The following NRXN3 variants were observed in gnomAD, a reference collection of about 807,000 sequenced individuals.
The protein encoded by NRXN3 is neurexin 3, also known as neurexin III.
NRXN3 carries 32 observed loss-of-function variants against 137.6 expected under a neutral mutation model. That is an observed-to-expected ratio of 0.23 (90% CI 0.18 to 0.31). The LOEUF (loss-of-function observed/expected upper bound fraction) is 0.31, where lower values mean the gene tolerates loss of function less well. NRXN3 is among the 10% of genes least tolerant of loss of function. The probability of loss-of-function intolerance (pLI) is 1.00; values close to 1 mark genes in which losing one functional copy is unlikely to be tolerated. For missense variants in NRXN3, 1,574 were observed against 2,062.5 expected (o/e 0.76, Z 4.59); for synonymous variants, 798 against 784.5 (o/e 1.02, Z -0.29).
chr14:78,492,541 G>A (rs2095688339), intron 4 of NRXN3, among the ~76,000 whole-genome samples: 1 of 152,186 alleles, frequency 6.6e-6, no homozygotes, highest in South Asian at 2.1e-4. Context: ...TAGTATAAAT[G>A]TTACCATACC....
chr14:79,797,595 G>A (rs2099164741), intron 19 of NRXN3, among the ~76,000 whole-genome samples: 1 of 152,096 alleles, frequency 6.6e-6, no homozygotes, highest in Non-Finnish European at 1.5e-5. Flanking sequence ...CAATGTCAGT[G>A]GCTTTCAAAG....
chr14:79,111,471 G>T (rs888168997), intron 15 of NRXN3, among the ~76,000 whole-genome samples: 1 of 152,158 alleles, frequency 6.6e-6, no homozygotes, highest in Admixed American at 6.5e-5. Flanking sequence ...GGGCACAGTG[G>T]CTCATGCCTG....
chr14:78,299,750 GCA>G (rs1444328589), intron 4 of NRXN3, among the ~76,000 whole-genome samples: 2 of 152,106 alleles, frequency 1.3e-5, no homozygotes, highest in Non-Finnish European at 2.9e-5. Context: ...TATTCCTTAT[GCA>G]CACACACAGA....
At chr14:78,830,870 GACA>G (rs1386230979) in intron 10 of NRXN3, among the ~76,000 whole-genome samples, 1 of 152,042 alleles carries the variant, frequency 6.6e-6, no homozygotes, top group Admixed American at 6.6e-5. Flanking sequence ...TCATTCATCT[GACA>G]ACAATGGAAA....
chr14:79,064,739 G>GTA (rs5809917), intron 15 of NRXN3, among the ~76,000 whole-genome samples: 6,282 of 140,542 alleles, frequency 0.045, 494 homozygotes, highest in African/African-American at 0.16. Flanking sequence ...ATATGTATAT[G>GTA]TATATATATA....
At position 79,027,714 on chromosome 14, in the gene NRXN3, TA is replaced by T. The variant is rs556856158; in HGVS notation, c.3262+39574del. Among the ~76,000 whole-genome samples the T allele has an allele frequency of 3.5e-3, 540 of 152,300 alleles. 2 individuals are homozygous for T. Among genetic ancestry groups the T allele is most frequent in the African/African-American group, 0.013 (523 of 41,572 alleles). Reference sequence around the variant, plus strand: ...ACTTCAGCTCTGGAAAGGATGTTGTTACCAAGTTCAGTTTGTGAATTGCCAG... The same window carrying T: ...ACTTCAGCTCTGGAAAGGATGTTGTTCCAAGTTCAGTTTGTGAATTGCCAG... On this transcript the variant is annotated intron_variant, in intron 15 of 20. Coordinates refer to ENST00000335750, the MANE Select transcript of NRXN3 (RefSeq NM_001330195.2).
rs377402308 is a variant in NRXN3 at position 79,639,475 on chromosome 14, G to GT, written c.3445-24293dup. Among the ~76,000 whole-genome samples, 211 of 145,490 alleles carry GT rather than the reference G, an allele frequency of 1.5e-3. 1 individual carries two copies. Among genetic ancestry groups the GT allele is most frequent in the Middle Eastern group, 0.014 (4 of 280 alleles). ...TGTAGTTGAGTACTAATGTGGCTTT[G>GT]TTTTTTTTTTCATGGAGTTGTTTAA... On this transcript the variant is annotated intron_variant, in intron 16 of 20. Transcript: ENST00000335750.
At chr14:78,419,618 TTCA>T (rs2093334728) in intron 4 of NRXN3, among the ~76,000 whole-genome samples, 1 of 152,086 alleles carries the variant, frequency 6.6e-6, no homozygotes, top group Admixed American at 6.6e-5. Context: ...AAGGAGAACT[TTCA>T]TCATCTTCAA....
At chr14:78,631,184 T>C (rs2097519196) in intron 4 of NRXN3, among the ~76,000 whole-genome samples, 1 of 152,180 alleles carries the variant, frequency 6.6e-6, no homozygotes, top group South Asian at 2.1e-4. Context: ...TCAACTTCTA[T>C]CAGTAGCAAG....
At chr14:78,595,665 A>G (rs1469916407) in intron 4 of NRXN3, among the ~76,000 whole-genome samples, 3 of 152,190 alleles carry the variant, frequency 2.0e-5, no homozygotes, top group Non-Finnish European at 4.4e-5. Context: ...AAAAATCTGC[A>G]AGATGGATGC....
chr14:79,759,586 T>C (rs1171981374), intron 19 of NRXN3, among the ~76,000 whole-genome samples: 2 of 151,760 alleles, frequency 1.3e-5, no homozygotes, highest in Non-Finnish European at 2.9e-5. Flanking sequence ...TGCTTTATTA[T>C]GTGACATTCA....
intron 16 of NRXN3, among the ~76,000 whole-genome samples, chr14:79,533,774 G>A (rs2097189222): frequency 6.6e-6 from 1 of 152,002 alleles, no homozygotes; most frequent in South Asian, 2.1e-4. Context: ...AAAATAATTT[G>A]GCCATTCTAT....
intron 8 of NRXN3, among the ~76,000 whole-genome samples, chr14:78,725,440 T>A (rs1226481699): frequency 2.0e-5 from 3 of 152,240 alleles, no homozygotes; most frequent in African/African-American, 7.2e-5. Flanking sequence ...CTGTAGTAGC[T>A]CACTGTTGCT....
chr14:79,422,579 A>G (rs1222322303), intron 15 of NRXN3, among the ~76,000 whole-genome samples: 1 of 152,096 alleles, frequency 6.6e-6, no homozygotes, highest in African/African-American at 2.4e-5. Flanking sequence ...AAGGTATTCT[A>G]TGGTAGAAAT....
intron 8 of NRXN3, among the ~76,000 whole-genome samples, chr14:78,756,354 G>A (rs1413697137): frequency 6.6e-6 from 1 of 151,906 alleles, no homozygotes; most frequent in Non-Finnish European, 1.5e-5. Flanking sequence ...CGGGCATGGT[G>A]GCATGCACCT....
intron 15 of NRXN3, among the ~76,000 whole-genome samples, chr14:79,288,637 G>C (rs1345481333): frequency 1.3e-5 from 2 of 152,100 alleles, no homozygotes; most frequent in East Asian, 3.9e-4. Context: ...GAAAACTCTT[G>C]GTCTTTCTGC....
intron 16 of NRXN3, among the ~76,000 whole-genome samples, chr14:79,570,314 A>G (rs921902753): frequency 6.6e-6 from 1 of 152,172 alleles, no homozygotes; most frequent in African/African-American, 2.4e-5. Flanking sequence ...CCCCAAACTC[A>G]AAGACCTTCA....
chr14:79,415,750 T>G (rs1359116857), intron 15 of NRXN3, among the ~76,000 whole-genome samples: 1 of 152,138 alleles, frequency 6.6e-6, no homozygotes, highest in Non-Finnish European at 1.5e-5. Flanking sequence ...AGCCTATGTC[T>G]TAACTGATGT....
At chr14:78,519,595 C>T (rs79732256) in intron 4 of NRXN3, among the ~76,000 whole-genome samples, 2,827 of 152,240 alleles carry the variant, frequency 0.019, 45 homozygotes, top group Middle Eastern at 0.051. Context: ...TCAAAGTCAT[C>T]TCAGTCTATT....
Sources: gnomAD v4.1 joint callset for allele counts (sites outside exome capture counted in the v4.1 genomes callset) on GRCh38, gnomAD v4.1.1 for gene constraint, MANE v1.5 for transcripts, NCBI Gene and HGNC (gene_info 2026-07-23, HGNC 2026-07-21) for gene names.